The following SYNJ2 variants were observed in gnomAD, a reference collection of about 807,000 sequenced individuals.
SYNJ2 encodes the protein synaptojanin 2.
A neutral mutation model predicts 141.3 loss-of-function variants in SYNJ2; 116 were observed. That is an observed-to-expected ratio of 0.82 (90% CI 0.71 to 0.96). SYNJ2 has a LOEUF of 0.96. SYNJ2 is among the 40% of genes least tolerant of loss of function. The probability of loss-of-function intolerance (pLI) is 0.00; values close to 1 mark genes in which losing one functional copy is unlikely to be tolerated. For missense variants in SYNJ2, 1,873 were observed against 1,934.8 expected, an observed-to-expected ratio of 0.97 and a Z score of 0.60; for synonymous variants, 745 against 777.7, an observed-to-expected ratio of 0.96 and a Z score of 0.70.
intron 2 of SYNJ2, among the ~76,000 whole-genome samples, chr6:158,020,261 G>A (rs1339342260): frequency 7.1e-6 from 1 of 140,190 alleles, no homozygotes; most frequent in East Asian, 2.0e-4. Context: ...GACTCTGACT[G>A]TGTGACCCCC....
intron 1 of SYNJ2, among the ~76,000 whole-genome samples, chr6:157,997,786 A>G (rs976460381): frequency 1.3e-5 from 2 of 152,242 alleles, no homozygotes; most frequent in African/African-American, 4.8e-5. Context: ...AAGATTTTGA[A>G]AAGGATCCAC....
At position 158,028,884 on chromosome 6, in the gene SYNJ2, G is replaced by T. The variant is rs1562337343; in HGVS notation, c.343G>T (p.Glu115Ter). ...TCTTCAGGAAGAGGCCAAGGAGGAG[G>T]AACGCCTCATAGCTTTGAAGAAAAT... is the stretch of plus-strand genomic sequence containing the variant. ...YPLQEEAKEE[E>*]RLIALKKILS... The change falls in exon 3 of 27, where the codon GAA becomes TAA. Residue 115 changes from glutamate to a stop codon, truncating the protein, a stop_gained. Coordinates refer to ENST00000355585, the MANE Select transcript of SYNJ2 (RefSeq NM_003898.4). LOFTEE classifies it high-confidence loss of function. 2 of 1,614,088 alleles carry T rather than the reference G, an allele frequency of 1.2e-6. No homozygotes were observed. The highest frequency in any genetic ancestry group is 1.7e-6 in the Non-Finnish European group (2 of 1,180,036).
At chr6:158,013,206 T>C (rs1778329448) in intron 1 of SYNJ2, among the ~76,000 whole-genome samples, 1 of 152,014 alleles carries the variant, frequency 6.6e-6, no homozygotes, top group South Asian at 2.1e-4. Context: ...CATGGCGAAA[T>C]GCCGTCCCTA....
chr6:157,993,821 T>G (rs1470551052), intron 1 of SYNJ2, among the ~76,000 whole-genome samples: 2 of 121,098 alleles, frequency 1.7e-5, no homozygotes, highest in Non-Finnish European at 3.5e-5. Context: ...TTTTTTTTTT[T>G]TTTTTTTTTT....
intron 26 of SYNJ2, chr6:158,094,032 C>A (rs1394351899): frequency 1.3e-6 from 1 of 763,896 alleles, no homozygotes; most frequent in East Asian, 2.4e-5. Context: ...TAGTAACGGA[C>A]CCTCGGTAAT....
At chr6:158,088,549 C>A (rs1419338792) in intron 23 of SYNJ2, 111 bp from the exon 24 acceptor site, 3 of 766,844 alleles carry the variant, frequency 3.9e-6, no homozygotes, top group Non-Finnish European at 6.8e-6. Context: ...CGGACCTCAC[C>A]GTGTCTGTGG....
At chr6:158,009,213 C>T (rs184032566) in intron 1 of SYNJ2, among the ~76,000 whole-genome samples, 28 of 152,318 alleles carry the variant, frequency 1.8e-4, no homozygotes, top group East Asian at 3.9e-4. Context: ...TTCTGCTCCG[C>T]GCCTGTCACT....
intron 12 of SYNJ2, among the ~76,000 whole-genome samples, chr6:158,068,405 A>G (rs1583453786): frequency 6.6e-6 from 1 of 151,808 alleles, no homozygotes; most frequent in South Asian, 2.1e-4. Context: ...TTAAATTCTG[A>G]CCTCCCCTGT....
chr6:158,041,644 T>G (rs922997924), intron 4 of SYNJ2, among the ~76,000 whole-genome samples: 3 of 152,214 alleles, frequency 2.0e-5, no homozygotes, highest in African/African-American at 7.2e-5. Context: ...GTGGCATTGT[T>G]AGCACTTGGG....
chr6:158,095,934 A>G lies in SYNJ2; in HGVS notation c.4061A>G (p.Gln1354Arg), dbSNP rs1783774495. Residue 1354 changes from glutamine to arginine, a missense_variant, in exon 27 of 27, where the codon CAG (glutamine) becomes CGG (arginine). Coordinates refer to ENST00000355585, the MANE Select transcript of SYNJ2 (RefSeq NM_003898.4). ...CTGCAGGTCCTGCAGAGCAACAGCC[A>G]GCTTCTCCAGGGCCTCACTTACAAT... ...FHLQVLQSNS[Q>R]LLQGLTYNSS... is the part of the protein sequence containing the mutation. 6.2e-7 allele frequency: 1 copy of G among 1,614,092 alleles called. No individual in the cohort carries two copies. The highest frequency in any genetic ancestry group is 8.5e-7 in the Non-Finnish European group (1 of 1,180,000).
chr6:158,007,791 C>T (rs528532631), intron 1 of SYNJ2, among the ~76,000 whole-genome samples: 21 of 152,162 alleles, frequency 1.4e-4, no homozygotes, highest in Non-Finnish European at 2.5e-4. Flanking sequence ...TACAGGCATG[C>T]ACCACCTCAC....
At chr6:157,994,824 T>A (rs1187728091) in intron 1 of SYNJ2, among the ~76,000 whole-genome samples, 1 of 152,204 alleles carries the variant, frequency 6.6e-6, no homozygotes, top group African/African-American at 2.4e-5. Context: ...GGAAGATAGA[T>A]GAGAGATGAT....
Position 157,986,906 on chromosome 6 carries a change from T to C in SYNJ2, c.127+4818T>C, listed in dbSNP as rs74902407. On this transcript the variant is annotated intron_variant, in intron 1 of 26. Coordinates refer to ENST00000355585, the MANE Select transcript of SYNJ2 (RefSeq NM_003898.4). ...TAGTTTGTTTAAAGCCAGGCAAGAT[T>C]CTAATTTGTTGGGTTGGCTTTTTTT... Among the ~76,000 whole-genome samples the C allele has an allele frequency of 2.5e-3, 384 of 152,212 alleles. 2 individuals are homozygous for C. The East Asian group carries it at 0.045, about 18-fold the overall frequency.
At chr6:158,032,143 T>C (rs963802910) in intron 3 of SYNJ2, among the ~76,000 whole-genome samples, 1 of 150,894 alleles carries the variant, frequency 6.6e-6, no homozygotes, top group Non-Finnish European at 1.5e-5. Flanking sequence ...CCTGTGGGGG[T>C]GCATGTGACT....
chr6:158,037,046 A>G (rs1181914562), intron 4 of SYNJ2, among the ~76,000 whole-genome samples: 1 of 152,206 alleles, frequency 6.6e-6, no homozygotes, highest in Admixed American at 6.5e-5. Context: ...TGTCCTTCCT[A>G]AAACACCGGA....
At chr6:158,036,989 G>A (rs1021713738) in intron 4 of SYNJ2, among the ~76,000 whole-genome samples, 3 of 152,176 alleles carry the variant, frequency 2.0e-5, no homozygotes, top group African/African-American at 7.2e-5. Context: ...CTCATCTATT[G>A]CATCTCATCG....
chr6:158,028,811 A>G lies in SYNJ2; in HGVS notation c.270A>G (p.Arg90=). 6.2e-7 allele frequency: 1 copy of G among 1,614,164 alleles called. No homozygotes were observed. The highest frequency in any genetic ancestry group is 8.5e-7 in the Non-Finnish European group (1 of 1,180,016). Residue 90 remains arginine (R), a synonymous_variant, in exon 3 of 27, where the codon AGA becomes AGG. Coordinates refer to ENST00000355585, the MANE Select transcript of SYNJ2 (RefSeq NM_003898.4). The part of the protein sequence containing the change: ...VLVTGCTSVG[R]IPDAEIYKIT... Reference sequence around the variant, plus strand: ...TGACAGGCTGCACATCTGTGGGCAGAATTCCAGATGCTGAAATCTACAAAA... The same window carrying G: ...TGACAGGCTGCACATCTGTGGGCAGGATTCCAGATGCTGAAATCTACAAAA...
chr6:157,991,080 A>G (rs1020921895), intron 1 of SYNJ2, among the ~76,000 whole-genome samples: 1 of 152,172 alleles, frequency 6.6e-6, no homozygotes, highest in Non-Finnish European at 1.5e-5. Flanking sequence ...CCACGCCAGG[A>G]GAGGCTTTGG....
chr6:157,982,065 A>G lies in SYNJ2; in HGVS notation c.104A>G (p.Glu35Gly). The change falls in exon 1 of 27, where the codon GAG (glutamate) becomes GGG (glycine). Residue 35 changes from glutamate to glycine, a missense_variant. Physicochemically the swap from Glu to Gly is moderately conservative, Grantham distance 98. Transcript: ENST00000355585. The surrounding 1 kb of genome is among the most constrained non-coding windows in gnomAD (Gnocchi z 4.0). Reference sequence around the variant, plus strand: ...GGCCGCGACGACTGCCTGCTGTTCGAGGCCGGCACGGTGGCCACGCTGGGT... The same window carrying G: ...GGCCGCGACGACTGCCTGCTGTTCGGGGCCGGCACGGTGGCCACGCTGGGT... ...ARGRDDCLLF[E>G]AGTVATLAPE... 2 of 1,337,304 alleles carry G rather than the reference A, an allele frequency of 1.5e-6. No individual in the cohort carries two copies. Among genetic ancestry groups the G allele is most frequent in the Non-Finnish European group, 1.9e-6 (2 of 1,045,646 alleles). 82.8% of individuals were successfully genotyped at this position (1,337,304 alleles called of 1,614,324 possible). A position where few individuals can be genotyped will look rare whatever the true frequency, so the allele number is the denominator to read the frequency against.
Sources: gnomAD v4.1 joint callset for allele counts (sites outside exome capture counted in the v4.1 genomes callset) on GRCh38, gnomAD v4.1.1 for gene constraint, Gnocchi (gnomAD v3.1) non-coding constraint, MANE v1.5 for transcripts, NCBI Gene and HGNC (gene_info 2026-07-23, HGNC 2026-07-21) for gene names.